NTRK1: variants seen among roughly 807,000 people sequenced by gnomAD.
NTRK1 encodes the protein neurotrophic receptor tyrosine kinase 1, also known as high affinity nerve growth factor receptor.
NTRK1 carries 62 observed loss-of-function variants against 86.8 expected under a neutral mutation model. The ratio of observed to expected loss-of-function variants is 0.71; its 90% confidence interval spans 0.58 to 0.88. The LOEUF is 0.88. NTRK1 is among the 40% of genes least tolerant of loss of function. The pLI is 0.00. For missense variants in NTRK1, 967 were observed against 1,078.4 expected (o/e 0.90, Z 1.45); for synonymous variants, 469 against 456.6 (o/e 1.03, Z -0.35).
intron 1 of NTRK1, among the ~76,000 whole-genome samples, chr1:156,822,612 A>G (rs867190221): frequency 4.1e-5 from 6 of 146,946 alleles, no homozygotes; most frequent in Admixed American, 6.6e-5. Flanking sequence ...AAGATTAGAA[A>G]AAAAAAAAAA....
intron 1 of NTRK1, among the ~76,000 whole-genome samples, chr1:156,828,040 T>C (rs1303292444): frequency 2.0e-5 from 3 of 152,194 alleles, no homozygotes; most frequent in Non-Finnish European, 4.4e-5. Context: ...CTCAAACTCC[T>C]GGGCTGAAGC....
At position 156,881,477 on chromosome 1, in the gene NTRK1, G is replaced by T. The variant is rs2102930636; in HGVS notation, c.2226G>T (p.Gln742His). The T allele has an allele frequency of 6.3e-7, 1 of 1,579,370 alleles. No homozygotes were observed. The highest frequency in any genetic ancestry group is 1.8e-5 in the Admixed American group (1 of 54,982). Reference protein sequence around the residue: ...SNTEAIDCITQGRELERPRAC... With the variant: ...SNTEAIDCITHGRELERPRAC... Reference sequence around the variant, plus strand: ...CCCAGGCAATCGACTGCATCACGCAGGGACGTGAGTTGGAGCGGCCACGTG... The same window carrying T: ...CCCAGGCAATCGACTGCATCACGCATGGACGTGAGTTGGAGCGGCCACGTG... Residue 742 changes from glutamine (Q) to histidine (H), a missense_variant, in exon 17 of 17, where the codon CAG becomes CAT. Gln to His is a conservative substitution (Grantham distance 24). This residue lies in a region of NTRK1 where 637 missense variants were observed against 776.5 expected (regional missense o/e 0.82). Coordinates refer to ENST00000524377, the MANE Select transcript of NTRK1 (RefSeq NM_002529.4).
intron 1 of NTRK1, among the ~76,000 whole-genome samples, chr1:156,816,384 C>A (rs1345134031): frequency 6.6e-6 from 1 of 152,186 alleles, no homozygotes; most frequent in Non-Finnish European, 1.5e-5. Context: ...CACTTCAGGG[C>A]AGGCCCTTCT....
At chr1:156,874,746 G>A (rs983558677) in intron 10 of NTRK1, 120 bp downstream of exon 10, 19 of 1,261,042 alleles carry the variant, frequency 1.5e-5, no homozygotes, top group South Asian at 6.3e-5. Flanking sequence ...GAGCTCTGAC[G>A]GCCACCCGCA....
chr1:156,854,138 A>G lies in NTRK1; in HGVS notation c.51-10216A>G. The G allele has an allele frequency of 6.2e-7, 1 of 1,614,174 alleles. No individual in the cohort carries two copies. On this transcript the variant is annotated intron_variant, in intron 2 of 16. Transcript: ENST00000392302. This position sits in a 1 kb window ranked among gnomAD's most constrained non-coding sequence, Gnocchi z 4.2. ...CTCCAGTCCGTAGACACGGAAGAGC[A>G]GCAGGTAGTCGGTGACCTGGGTGAG...
chr1:156,871,785 C>T (rs1647571559), intron 7 of NTRK1, 30 bp downstream of exon 7: 1 of 1,613,660 alleles, frequency 6.2e-7, no homozygotes, highest in African/African-American at 1.3e-5. Context: ...CCGGCACCCA[C>T]CCCCTACTCA....
Position 156,871,911 on chromosome 1 carries a change from T to G in NTRK1, c.850+156T>G, listed in dbSNP as rs376336159. ...CCAGATTCCCATGAAAACCTGATCC[T>G]TTGGGGGAAGTCCTGGGGTCTTGTC... is the stretch of plus-strand genomic sequence containing the variant. On this transcript the variant is annotated intron_variant, in intron 7 of 16. Transcript: ENST00000524377. 1.9e-4 allele frequency among the ~76,000 whole-genome samples: 29 copies of G among 152,324 alleles called. 2 individuals carry two copies. Among genetic ancestry groups the G allele is most frequent in the Admixed American group, 1.0e-3 (16 of 15,308 alleles).
chr1:156,832,485 C>A (rs1000722108), intron 1 of NTRK1, among the ~76,000 whole-genome samples: 4 of 152,064 alleles, frequency 2.6e-5, no homozygotes, highest in African/African-American at 9.7e-5. Flanking sequence ...GAGGAGGCAG[C>A]AGTTGAAAGA....
At chr1:156,849,518 G>T in intron 2 of NTRK1, 2 of 1,152,518 alleles carry the variant, frequency 1.7e-6, no homozygotes, top group East Asian at 2.5e-5. Flanking sequence ...GGTGGGAAAG[G>T]GGATGGCTTA....
chr1:156,863,361 T>C lies in NTRK1; in HGVS notation c.213-993T>C, dbSNP rs76432242. On this transcript the variant is annotated intron_variant, in intron 1 of 16. Coordinates refer to ENST00000524377, the MANE Select transcript of NTRK1 (RefSeq NM_002529.4). ...GTGTCTCTGTTTCACTCTCTCTTTG[T>C]TTTTCTGCCCGTCTGCCCCCACCCT... Among the ~76,000 whole-genome samples, 25 of 152,206 alleles carry C rather than the reference T, an allele frequency of 1.6e-4. No individual in the cohort carries two copies. The East Asian group carries it at 4.1e-3, about 25-fold the overall frequency.
At chr1:156,871,827 G>C (rs972536206) in intron 7 of NTRK1, 72 bp downstream of exon 7, 1 of 1,602,088 alleles carries the variant, frequency 6.2e-7, no homozygotes, top group African/African-American at 1.3e-5. Context: ...GATGTAGGGT[G>C]GGGGGCTGGA....
chr1:156,876,689 G>A, intron 14 of NTRK1, 117 bp downstream of exon 14: 1 of 1,297,152 alleles, frequency 7.7e-7, no homozygotes, highest in Non-Finnish European at 1.1e-6. Flanking sequence ...AGAAAGATCA[G>A]GAAGGCACAT....
chr1:156,861,805 G>C (rs909388682), intron 1 of NTRK1, among the ~76,000 whole-genome samples: 1 of 152,130 alleles, frequency 6.6e-6, no homozygotes, highest in Non-Finnish European at 1.5e-5. Context: ...CTGGGGCGGG[G>C]AGTCAGGGCC....
chr1:156,873,150 G>A (rs1347933726), intron 7 of NTRK1, among the ~76,000 whole-genome samples: 2 of 151,422 alleles, frequency 1.3e-5, no homozygotes, highest in Non-Finnish European at 2.9e-5. Context: ...GGCCTCAAGC[G>A]ATCCTCCCAC....
chr1:156,840,995 A>T, intron 1 of NTRK1: 9 of 1,613,118 alleles, frequency 5.6e-6, no homozygotes, highest in Non-Finnish European at 7.6e-6. Flanking sequence ...TAGTAGAAGG[A>T]GAGGAGGCGG....
intron 2 of NTRK1, chr1:156,844,185 C>T (rs555373809): frequency 4.5e-5 from 73 of 1,612,778 alleles, no homozygotes; most frequent in East Asian, 4.0e-4. Context: ...CTCTTCTTGC[C>T]GTAGAAGAAA....
chr1:156,829,983 A>G lies in NTRK1; in HGVS notation c.-63-12098A>G, dbSNP rs116433683. Among the ~76,000 whole-genome samples, 786 of 152,300 alleles carry G rather than the reference A, an allele frequency of 5.2e-3. 7 individuals are homozygous for G. Among genetic ancestry groups the G allele is most frequent in the African/African-American group, 0.017 (721 of 41,568 alleles). ...GTCTTTTTCTATTTGAAAAGGGCCA[A>G]ACAAGGAGAGCAGTGAGTCTGATTG... On this transcript the variant is annotated intron_variant, in intron 1 of 16. Transcript: ENST00000392302.
intron 2 of NTRK1, chr1:156,842,216 T>C (rs1183916812): frequency 6.2e-7 from 1 of 1,613,970 alleles, no homozygotes; most frequent in Non-Finnish European, 8.5e-7. Context: ...GTCTGCAATC[T>C]CACCAGCCAT....
At chr1:156,824,698 A>G (rs760101199) in intron 1 of NTRK1, among the ~76,000 whole-genome samples, 2 of 152,206 alleles carry the variant, frequency 1.3e-5, no homozygotes, top group Admixed American at 6.5e-5. Flanking sequence ...CAGAAAGAGC[A>G]TGACATGTTT....
Sources: gnomAD v4.1 joint callset for allele counts (sites outside exome capture counted in the v4.1 genomes callset) on GRCh38, gnomAD v4.1.1 for gene constraint, gnomAD v4.1.1 regional missense constraint, Gnocchi (gnomAD v3.1) non-coding constraint, MANE v1.5 for transcripts, NCBI Gene and HGNC (gene_info 2026-07-23, HGNC 2026-07-21) for gene names.